Variants in RAB31 observed in about 807,000 individuals in gnomAD.
The protein encoded by RAB31 is RAB31, member RAS oncogene family, also known as ras-related protein Rab-31.
RAB31 carries 21 observed loss-of-function variants against 25.6 expected under a neutral mutation model. The ratio of observed to expected loss-of-function variants is 0.82; its 90% CI spans 0.58 to 1.18. The LOEUF (loss-of-function observed/expected upper bound fraction) is 1.18, where lower values mean the gene tolerates loss of function less well. Among genes scored for constraint, RAB31 ranks in the 50% most tolerant of loss-of-function variants. The probability of loss-of-function intolerance (pLI) is 0.00; values close to 1 mark genes in which losing one functional copy is unlikely to be tolerated. For missense variants in RAB31, 196 were observed against 250.1 expected, an observed-to-expected ratio of 0.78 and a Z score of 1.46; for synonymous variants, 87 against 84.0, an observed-to-expected ratio of 1.04 and a Z score of -0.20.
intron 3 of RAB31, among the ~76,000 whole-genome samples, chr18:9,806,252 T>C (rs145855972): frequency 4.2e-4 from 64 of 152,326 alleles, no homozygotes; most frequent in African/African-American, 1.5e-3. Flanking sequence ...CTCATCTGAA[T>C]AACAGGAACA....
intron 5 of RAB31, among the ~76,000 whole-genome samples, chr18:9,840,241 A>G (rs1184689030): frequency 6.6e-6 from 1 of 152,236 alleles, no homozygotes; most frequent in African/African-American, 2.4e-5. Context: ...AGATTGGTCT[A>G]GAAAGTCTAA....
chr18:9,735,469 C>A, intron 1 of RAB31: 1 of 213,358 alleles, frequency 4.7e-6, no homozygotes, highest in South Asian at 8.4e-5. Context: ...TGACATTTGT[C>A]AAAGTTGATC....
chr18:9,731,671 C>T (rs560848782), intron 1 of RAB31, among the ~76,000 whole-genome samples: 1 of 140,332 alleles, frequency 7.1e-6, no homozygotes, highest in African/African-American at 2.8e-5. Flanking sequence ...GATCTTGGCT[C>T]ACTGCAGCCT....
At chr18:9,831,067 C>G (rs2143107832) in intron 5 of RAB31, among the ~76,000 whole-genome samples, 1 of 152,310 alleles carries the variant, frequency 6.6e-6, no homozygotes, top group East Asian at 1.9e-4. Context: ...CAACACTGCA[C>G]TAACTTAATT....
chr18:9,794,966 G>A (rs2068479701), intron 3 of RAB31, among the ~76,000 whole-genome samples: 1 of 152,110 alleles, frequency 6.6e-6, no homozygotes, highest in African/African-American at 2.4e-5. Flanking sequence ...AAATCTGGAG[G>A]CATCACATTA....
intron 1 of RAB31, among the ~76,000 whole-genome samples, chr18:9,768,714 G>A (rs767293377): frequency 6.6e-6 from 1 of 152,162 alleles, no homozygotes; most frequent in Non-Finnish European, 1.5e-5. Flanking sequence ...GCTCTCATTT[G>A]TCAACTTTGG....
intron 5 of RAB31, among the ~76,000 whole-genome samples, chr18:9,819,383 A>G (rs892480146): frequency 6.6e-6 from 1 of 152,076 alleles, no homozygotes; most frequent in Non-Finnish European, 1.5e-5. Context: ...TCAACCATAA[A>G]TGTGGTCTTA....
intron 1 of RAB31, among the ~76,000 whole-genome samples, chr18:9,756,863 TG>T (rs1209191190): frequency 1.3e-5 from 2 of 152,218 alleles, no homozygotes; most frequent in African/African-American, 4.8e-5. Flanking sequence ...TGGCTCCCAT[TG>T]CCCTCAGAAC....
At chr18:9,748,276 C>T (rs1204399521) in intron 1 of RAB31, among the ~76,000 whole-genome samples, 3 of 152,090 alleles carry the variant, frequency 2.0e-5, no homozygotes, top group Non-Finnish European at 4.4e-5. Flanking sequence ...GCAGGAGGAT[C>T]GCTTGAGCAC....
intron 3 of RAB31, among the ~76,000 whole-genome samples, chr18:9,795,842 A>C (rs2068484544): frequency 6.6e-6 from 1 of 152,212 alleles, no homozygotes; most frequent in South Asian, 2.1e-4. Flanking sequence ...TTAAAGAACT[A>C]AAAGTAGATC....
At chr18:9,810,747 A>G (rs2068566143) in intron 3 of RAB31, among the ~76,000 whole-genome samples, 1 of 152,156 alleles carries the variant, frequency 6.6e-6, no homozygotes, top group Non-Finnish European at 1.5e-5. Flanking sequence ...AGACACCCGC[A>G]GTTTGCTCCT....
intron 1 of RAB31, among the ~76,000 whole-genome samples, chr18:9,710,527 A>G (rs1433474053): frequency 6.6e-6 from 1 of 152,208 alleles, no homozygotes; most frequent in African/African-American, 2.4e-5. Flanking sequence ...AAGCAGAGAA[A>G]GAAGAGGTTT....
At chr18:9,755,007 G>A (rs1259667487) in intron 1 of RAB31, among the ~76,000 whole-genome samples, 1 of 152,134 alleles carries the variant, frequency 6.6e-6, no homozygotes, top group Non-Finnish European at 1.5e-5. Context: ...CTACAGCTTG[G>A]GTTTCTGAGG....
At chr18:9,758,555 G>A (rs964326748) in intron 1 of RAB31, among the ~76,000 whole-genome samples, 2 of 152,050 alleles carry the variant, frequency 1.3e-5, no homozygotes, top group African/African-American at 4.8e-5. Flanking sequence ...AGCCTTTCCT[G>A]ATTGTCAGAT....
intron 1 of RAB31, among the ~76,000 whole-genome samples, chr18:9,710,290 A>C (rs1411280923): frequency 6.6e-6 from 1 of 152,184 alleles, no homozygotes; most frequent in African/African-American, 2.4e-5. Flanking sequence ...TAGGCAGAGG[A>C]CTACACCAGA....
At chr18:9,843,927 C>A (rs1467431275) in intron 5 of RAB31, among the ~76,000 whole-genome samples, 2 of 151,854 alleles carry the variant, frequency 1.3e-5, no homozygotes, top group Non-Finnish European at 2.9e-5. Context: ...GTAGAATTTC[C>A]TTGGTAACTT....
intron 2 of RAB31, among the ~76,000 whole-genome samples, chr18:9,791,724 G>T (rs1364074351): frequency 6.6e-6 from 1 of 152,080 alleles, no homozygotes; most frequent in Non-Finnish European, 1.5e-5. Flanking sequence ...CTCCCAAGTA[G>T]CTGGGACCGC....
chr18:9,813,222 G>T (rs576932251), intron 3 of RAB31, among the ~76,000 whole-genome samples: 1 of 152,130 alleles, frequency 6.6e-6, no homozygotes, highest in Admixed American at 6.5e-5. Flanking sequence ...CGTTGGAGAG[G>T]TGGCAGCCCC....
Position 9,718,327 on chromosome 18 carries a change from T to G in RAB31, c.39+9883T>G, listed in dbSNP as rs1018711905. Among the ~76,000 whole-genome samples, 54 of 152,040 alleles carry G rather than the reference T, an allele frequency of 3.6e-4. 2 individuals are homozygous for G. The highest frequency in any genetic ancestry group is 6.6e-5 in the Admixed American group (1 of 15,260). ...AAGGCTGGAGTGCAGTGGTGTGATC[T>G]CGACTCACTGCAGCCTCTGCCTCCT... On this transcript the variant is annotated intron_variant, in intron 1 of 6. Coordinates refer to ENST00000578921, the MANE Select transcript of RAB31 (RefSeq NM_006868.4).
Sources: gnomAD v4.1 joint callset for allele counts (sites outside exome capture counted in the v4.1 genomes callset) on GRCh38, gnomAD v4.1.1 for gene constraint, MANE v1.5 for transcripts, NCBI Gene and HGNC (gene_info 2026-07-23, HGNC 2026-07-21) for gene names.